Variants in DUSP11 observed in about 807,000 individuals in gnomAD.
DUSP11 encodes the protein dual specificity phosphatase 11, also known as RNA/RNP complex-1-interacting phosphatase.
Under a neutral mutation model 41.4 loss-of-function variants are expected in DUSP11, and 27 were observed. That is an observed-to-expected ratio of 0.65 (90% confidence interval 0.48 to 0.90). The LOEUF (loss-of-function observed/expected upper bound fraction) is 0.90. DUSP11 is among the 40% of genes least tolerant of loss of function. The probability of loss-of-function intolerance (pLI) is 0.00; values close to 1 mark genes in which losing one functional copy is unlikely to be tolerated. For missense variants in DUSP11, 465 were observed against 461.1 expected (o/e 1.01, Z -0.08); for synonymous variants, 188 against 159.3 (o/e 1.18, Z -1.35).
rs1421651798 is a variant in DUSP11, at chr2:73,774,973, T to C, written c.390A>G (p.Gln130=). The C allele has an allele frequency of 5.0e-6, 8 of 1,612,724 alleles. No individual in the cohort carries two copies. The Admixed American group carries it at 8.3e-5, about 17-fold the overall frequency. The change falls in exon 3 of 9, where the codon CAA becomes CAG. Residue 130 remains glutamine, a synonymous_variant. Transcript: ENST00000272444. ...CAATAATCAGTCCAAGTTCTTCATT[T>C]TGTTCTCGGATTTTGTTAAAAAGAT...
intron 5 of DUSP11, chr2:73,768,550 T>C: frequency 4.1e-6 from 4 of 985,430 alleles, no homozygotes; most frequent in African/African-American, 1.7e-5. Flanking sequence ...CTATGAGATA[T>C]GCATTCAAAA....
At chr2:73,773,349 T>A (rs1245530062) in intron 4 of DUSP11, 2 of 214,466 alleles carry the variant, frequency 9.3e-6, no homozygotes, top group Non-Finnish European at 2.0e-5. Context: ...GTGTCTTAAA[T>A]ACATATGACA....
rs1672632402 is a variant in DUSP11 at position 73,773,924 on chromosome 2, C to T, written c.451-1G>A. The T allele has an allele frequency of 2.5e-6, 4 of 1,581,756 alleles. No homozygotes were observed. In the South Asian group the frequency reaches 3.5e-5, roughly 14 times the overall value. On this transcript the variant is annotated splice_acceptor_variant, in intron 3 of 8. Transcript: ENST00000272444. LOFTEE classifies it high-confidence loss of function. ...AGTAAGGAACAGTTTCTGGCAAATC[C>T]TATAAAGCAAAACCATAAAAGATGT...
At chr2:73,764,966 C>CA (rs1215617525) in intron 8 of DUSP11, among the ~76,000 whole-genome samples, 2 of 148,278 alleles carry the variant, frequency 1.3e-5, no homozygotes, top group Admixed American at 6.7e-5. Context: ...ACTCTGTCAC[C>CA]AAAAAAAAAG....
chr2:73,779,567 T>G lies in DUSP11; in HGVS notation c.242+307A>C, dbSNP rs529504621. 1.4e-4 allele frequency: 53 copies of G among 386,822 alleles called. No homozygotes were observed. In the South Asian group the frequency reaches 1.8e-3, roughly 13 times the overall value. 24.0% of individuals were successfully genotyped at this position (386,822 alleles called of 1,614,324 possible). On this transcript the variant is annotated intron_variant, in intron 1 of 8. Coordinates refer to ENST00000272444, the Ensembl canonical transcript of DUSP11. The stretch of plus-strand genomic sequence containing the variant: ...CCAACGTAACAAGGAATTGAGGAGG[T>G]TCCATTTTGGGAATTAAGGAGTGTC...
At chr2:73,772,863 C>T (rs529583217) in intron 4 of DUSP11, among the ~76,000 whole-genome samples, 5 of 152,292 alleles carry the variant, frequency 3.3e-5, no homozygotes, top group Non-Finnish European at 7.3e-5. Flanking sequence ...CCCTATCTTC[C>T]CACCTCTGTC....
chr2:73,778,395 G>A lies in DUSP11; in HGVS notation c.243-19C>T, dbSNP rs200053499. ...TTTCCACCTATTAGATATATTTTTTGTTAGCCAAATTGTATGTTAGCCTTG... is the reference window on the plus strand; with the variant it reads ...TTTCCACCTATTAGATATATTTTTTATTAGCCAAATTGTATGTTAGCCTTG... On this transcript the variant is annotated intron_variant, in intron 1 of 8. Transcript: ENST00000272444. 1.4e-5 allele frequency: 21 copies of A among 1,457,408 alleles called. No homozygotes were observed. The East Asian group carries it at 2.4e-4, about 17-fold the overall frequency. The allele number at this position is 1,457,408 out of a possible 1,614,324, so 90.3% of individuals were successfully genotyped here.
intron 8 of DUSP11, among the ~76,000 whole-genome samples, chr2:73,765,742 T>C (rs941651552): frequency 3.3e-5 from 5 of 152,212 alleles, no homozygotes; most frequent in African/African-American, 9.6e-5. Context: ...TCTATTAGGA[T>C]TTTATTATTT....
intron 5 of DUSP11, chr2:73,767,462 G>A: frequency 3.0e-6 from 1 of 328,122 alleles, no homozygotes; most frequent in Non-Finnish European, 5.4e-6. Flanking sequence ...ATAAACAAAA[G>A]GAAAGAAAAT....
rs764428840 is a variant in DUSP11 at position 73,767,253 on chromosome 2, A to T, written c.636-46T>A. The T allele has an allele frequency of 2.6e-6, 4 of 1,528,292 alleles. No homozygotes were observed. In the South Asian group the frequency reaches 4.7e-5, roughly 18 times the overall value. The allele number at this position is 1,528,292 out of a possible 1,614,324, so 94.7% of individuals were successfully genotyped here. A position where few individuals can be genotyped will look rare whatever the true frequency, so the allele number is the denominator to read the frequency against. ...GGGTCATTTATATACGAAAAGAAAAAAATCAAGTTTTTTCAAAAAAGGTCC... is the reference window on the plus strand; with the variant it reads ...GGGTCATTTATATACGAAAAGAAAATAATCAAGTTTTTTCAAAAAAGGTCC... On this transcript the variant is annotated intron_variant, in intron 5 of 8. Transcript: ENST00000272444.
intron 2 of DUSP11, among the ~76,000 whole-genome samples, chr2:73,775,543 CT>C (rs35764115): frequency 0.57 from 77,117 of 135,106 alleles, 22,848 homozygotes; most frequent in East Asian, 0.67. Context: ...CACACCTGGC[CT>C]TTTTTTTTTT....
chr2:73,764,721 CT>C (rs1672424427), intron 8 of DUSP11, among the ~76,000 whole-genome samples: 1 of 152,164 alleles, frequency 6.6e-6, no homozygotes, highest in African/African-American at 2.4e-5. Flanking sequence ...AATCCCAGCA[CT>C]TTGGGAGGCC....
chr2:73,778,578 G>A (rs2103952321), intron 1 of DUSP11, among the ~76,000 whole-genome samples: 1 of 152,046 alleles, frequency 6.6e-6, no homozygotes, highest in South Asian at 2.1e-4. Context: ...TCATAAAAAC[G>A]AACACAAGCC....
chr2:73,767,369 A>G, intron 5 of DUSP11, 162 bp from the exon 6 acceptor site: 1 of 564,334 alleles, frequency 1.8e-6, no homozygotes, highest in Non-Finnish European at 3.1e-6. Context: ...TACCATGACC[A>G]CAAAAAGACG....
At chr2:73,776,955 T>C (rs917390692) in intron 2 of DUSP11, among the ~76,000 whole-genome samples, 1 of 152,202 alleles carries the variant, frequency 6.6e-6, no homozygotes, top group African/African-American at 2.4e-5. Context: ...CAGAATAGTT[T>C]CACTTCCCTA....
Position 73,767,426 on chromosome 2 carries a change from A to G in DUSP11, c.636-219T>C, listed in dbSNP as rs916860139. 17 of 422,684 alleles carry G rather than the reference A, an allele frequency of 4.0e-5. 1 individual carries two copies. The highest frequency in any genetic ancestry group is 3.5e-4 in the African/African-American group (17 of 48,928). 26.2% of individuals were successfully genotyped at this position (422,684 alleles called of 1,614,324 possible). A position where few individuals can be genotyped will look rare whatever the true frequency, so the allele number is the denominator to read the frequency against. ...ACCCAACTCCAGAAAATCTATTTAT[A>G]TATTTATTTACATTAATGTAATTTA... is the stretch of plus-strand genomic sequence containing the variant. On this transcript the variant is annotated intron_variant, in intron 5 of 8. Transcript: ENST00000272444.
chr2:73,776,802 T>G (rs1359348331), intron 2 of DUSP11, among the ~76,000 whole-genome samples: 7 of 152,256 alleles, frequency 4.6e-5, no homozygotes, highest in Admixed American at 4.6e-4. Context: ...CTGAGCTTAG[T>G]GCAGAATAAG....
exon 2 of DUSP11, chr2:73,778,332 C>T (rs761082658): frequency 1.9e-6 from 3 of 1,558,764 alleles, no homozygotes; most frequent in Non-Finnish European, 1.7e-6. Flanking sequence ...AGCAATGAAA[C>T]GAGTCCCAGG....
At chr2:73,764,122 T>G (rs1037036995) in intron 8 of DUSP11, among the ~76,000 whole-genome samples, 1 of 152,236 alleles carries the variant, frequency 6.6e-6, no homozygotes, top group Non-Finnish European at 1.5e-5. Context: ...TATAGCTTTT[T>G]CTGTACTTTG....
Sources: gnomAD v4.1 joint callset for allele counts (sites outside exome capture counted in the v4.1 genomes callset) on GRCh38, gnomAD v4.1.1 for gene constraint, MANE v1.5 for transcripts, NCBI Gene and HGNC (gene_info 2026-07-23, HGNC 2026-07-21) for gene names.